Variants in NXN observed in about 807,000 individuals in gnomAD.
The protein encoded by NXN is nucleoredoxin 1.
NXN carries 16 observed loss-of-function variants against 48.6 expected under a neutral mutation model. That is an observed-to-expected ratio of 0.33 (90% CI 0.22 to 0.50). NXN has a LOEUF of 0.50. NXN is among the 20% of genes least tolerant of loss of function. The probability of loss-of-function intolerance (pLI) is 0.98; values close to 1 mark genes in which losing one functional copy is unlikely to be tolerated. For missense variants in NXN, 492 were observed against 605.5 expected (o/e 0.81, Z 1.97); for synonymous variants, 281 against 269.6 (o/e 1.04, Z -0.41).
intron 1 of NXN, among the ~76,000 whole-genome samples, chr17:827,636 A>T (rs1442494653): frequency 6.6e-6 from 1 of 152,198 alleles, no homozygotes; most frequent in Non-Finnish European, 1.5e-5. Context: ...AAAATAAATA[A>T]ATAAAATAAA....
At chr17:939,858 A>C (rs1293062088) in intron 1 of NXN, among the ~76,000 whole-genome samples, 1 of 152,186 alleles carries the variant, frequency 6.6e-6, no homozygotes, top group East Asian at 1.9e-4. Context: ...CTTTTTAAAA[A>C]ATATAATTTG....
intron 1 of NXN, among the ~76,000 whole-genome samples, chr17:968,533 G>A (rs1415360922): frequency 3.3e-5 from 5 of 152,070 alleles, no homozygotes; most frequent in African/African-American, 1.2e-4. Flanking sequence ...CTGTGCCACT[G>A]CACTCTAGCC....
At chr17:843,311 T>C (rs1286847973) in intron 1 of NXN, among the ~76,000 whole-genome samples, 1 of 152,202 alleles carries the variant, frequency 6.6e-6, no homozygotes, top group Non-Finnish European at 1.5e-5. Flanking sequence ...ACTGTGCCAT[T>C]CGACTTCCTG....
At chr17:882,321 C>T (rs111855374) in intron 1 of NXN, among the ~76,000 whole-genome samples, 7,077 of 152,128 alleles carry the variant, frequency 0.047, 224 homozygotes, top group Middle Eastern at 0.16. Context: ...CCCAGTGTCC[C>T]CAAACCAGAA....
intron 1 of NXN, among the ~76,000 whole-genome samples, chr17:880,377 C>T (rs1054899252): frequency 5.9e-5 from 9 of 152,134 alleles, no homozygotes; most frequent in African/African-American, 2.2e-4. Context: ...ATTAGGACCA[C>T]ATAAAAGGAG....
chr17:855,092 C>G (rs746519160), intron 1 of NXN, among the ~76,000 whole-genome samples: 9 of 152,126 alleles, frequency 5.9e-5, no homozygotes, highest in Non-Finnish European at 1.2e-4. Flanking sequence ...GCCTGGGCAA[C>G]ATAGCAAGAC....
rs180955683 is a variant in NXN, at chr17:951,263, T to C, written c.360+28056A>G. ...TACTTGGGAGGCTGAGGCACGAGAA[T>C]TGCTTGAACCCGGGAGACAGAGGTT... On this transcript the variant is annotated intron_variant, in intron 1 of 7. Coordinates refer to ENST00000336868, the MANE Select transcript of NXN (RefSeq NM_022463.5). 2.2e-4 allele frequency among the ~76,000 whole-genome samples: 33 copies of C among 147,730 alleles called. No individual in the cohort carries two copies. In the East Asian group the frequency reaches 4.4e-3, roughly 20 times the overall value.
chr17:831,544 T>C (rs2144671851), intron 1 of NXN, among the ~76,000 whole-genome samples: 1 of 151,882 alleles, frequency 6.6e-6, no homozygotes, highest in South Asian at 2.1e-4. Context: ...CTCAGCTCAC[T>C]GCAACCTCCG....
intron 1 of NXN, among the ~76,000 whole-genome samples, chr17:903,703 T>C (rs2068557401): frequency 1.3e-5 from 2 of 152,180 alleles, no homozygotes; most frequent in South Asian, 4.1e-4. Context: ...GTTCTATACA[T>C]ATGGGCTCAC....
intron 1 of NXN, among the ~76,000 whole-genome samples, chr17:883,465 C>T (rs929733497): frequency 6.6e-6 from 1 of 152,144 alleles, no homozygotes; most frequent in Non-Finnish European, 1.5e-5. Flanking sequence ...AGCTCCAAAC[C>T]CCGCCTACAT....
intron 1 of NXN, among the ~76,000 whole-genome samples, chr17:945,239 G>A (rs62067248): frequency 0.7 from 105,432 of 150,176 alleles, 37,866 homozygotes; most frequent in Middle Eastern, 0.81. Flanking sequence ...CCGCCACCAC[G>A]CCCGGCTAAT....
rs73279317 is a variant in NXN, at chr17:975,383, T to G, written c.360+3936A>C. Among the ~76,000 whole-genome samples, 732 of 152,130 alleles carry G rather than the reference T, an allele frequency of 4.8e-3. 5 individuals are homozygous for G. Among genetic ancestry groups the G allele is most frequent in the African/African-American group, 0.017 (694 of 41,456 alleles). On this transcript the variant is annotated intron_variant, in intron 1 of 7. Transcript: ENST00000336868. ...TCAAGGAAGAGTGGCAGAGCTGGAG[T>G]TGTAAGAATGTTGAGGTTGCTACCA...
chr17:842,801 T>G (rs1008965234), intron 1 of NXN, among the ~76,000 whole-genome samples: 15 of 152,054 alleles, frequency 9.9e-5, no homozygotes, highest in African/African-American at 3.6e-4. Flanking sequence ...TAGCTGGGCG[T>G]GGTTGCACAC....
chr17:915,386 C>A (rs1315260410), intron 1 of NXN, among the ~76,000 whole-genome samples: 4 of 151,874 alleles, frequency 2.6e-5, no homozygotes. Flanking sequence ...TGGGCTCAGA[C>A]AATCCTCCTG....
chr17:862,769 G>A (rs181738873), intron 1 of NXN, among the ~76,000 whole-genome samples: 126 of 152,320 alleles, frequency 8.3e-4, no homozygotes, highest in African/African-American at 2.8e-3. Flanking sequence ...GGCTCCTGGT[G>A]AGATGCAACA....
At chr17:804,274 C>CTT (rs11325268) in intron 6 of NXN, among the ~76,000 whole-genome samples, 27 of 88,958 alleles carry the variant, frequency 3.0e-4, no homozygotes, top group Non-Finnish European at 3.8e-4. Flanking sequence ...TGGTCAGCGG[C>CTT]TTTTTTTTTT....
At chr17:907,011 A>C (rs1358627695) in intron 1 of NXN, among the ~76,000 whole-genome samples, 2 of 152,086 alleles carry the variant, frequency 1.3e-5, no homozygotes, top group African/African-American at 4.8e-5. Context: ...CTTCCTTCCC[A>C]GAGGCACAAA....
intron 5 of NXN, among the ~76,000 whole-genome samples, chr17:810,538 C>T (rs1209261326): frequency 5.3e-5 from 8 of 152,144 alleles, no homozygotes; most frequent in African/African-American, 1.7e-4. Context: ...ATCTGTTCCT[C>T]GGATCCTTCC....
intron 5 of NXN, among the ~76,000 whole-genome samples, chr17:810,090 C>CGTGTGAGTGGCGTGCACGTTACGAGTCT (rs1911862041): frequency 1.7e-5 from 1 of 59,414 alleles, no homozygotes; most frequent in Admixed American, 2.1e-4. Context: ...GTTACGAGTC[C>CGTGTGAGTGGCGTGCACGTTACGAGTCT]GTGTGAGTGG....
Sources: allele counts gnomAD v4.1 joint callset (sites outside exome capture counted in the v4.1 genomes callset), GRCh38; gene constraint gnomAD v4.1.1; transcripts MANE v1.5; gene names NCBI Gene and HGNC (gene_info 2026-07-23, HGNC 2026-07-21).